Variants in AKAP19 observed in about 807,000 individuals in gnomAD.
AKAP19 encodes A-kinase anchoring protein 19.
At chr2:189,967,519 G>T in the AKAP19 span, among the ~76,000 whole-genome samples, 6 of 152,120 alleles carry the variant, frequency 3.9e-5, no homozygotes, top group Non-Finnish European at 7.4e-5. Context: ...CTGATGAAAA[G>T]ATTCTTCAAA....
the AKAP19 span, among the ~76,000 whole-genome samples, chr2:190,129,290 C>A: frequency 2.0e-5 from 3 of 151,936 alleles, no homozygotes; most frequent in Non-Finnish European, 4.4e-5. Flanking sequence ...TGGAAGATTT[C>A]AATTAAAAAA....
chr2:190,140,955 C>A, the AKAP19 span, among the ~76,000 whole-genome samples: 1 of 152,134 alleles, frequency 6.6e-6, no homozygotes, highest in East Asian at 1.9e-4. Flanking sequence ...AGGTACCCTA[C>A]GTCATCTCTC....
chr2:190,198,671 A>G, the AKAP19 span, among the ~76,000 whole-genome samples: 1 of 150,876 alleles, frequency 6.6e-6, no homozygotes. Context: ...TTTCAGAAAC[A>G]GATTTTATGA....
At chr2:190,019,051 G>C in the AKAP19 span, among the ~76,000 whole-genome samples, 2 of 152,148 alleles carry the variant, frequency 1.3e-5, no homozygotes, top group Non-Finnish European at 2.9e-5. Flanking sequence ...GTAAAATAGG[G>C]TTGCAGGCTA....
At chr2:189,948,991 G>C in the AKAP19 span, among the ~76,000 whole-genome samples, 1 of 151,748 alleles carries the variant, frequency 6.6e-6, no homozygotes, top group South Asian at 2.1e-4. Context: ...TTTGCTAAAC[G>C]CTTAAAGTAC....
chr2:189,990,322 C>T, the AKAP19 span, among the ~76,000 whole-genome samples: 1 of 152,096 alleles, frequency 6.6e-6, no homozygotes, highest in African/African-American at 2.4e-5. Context: ...ATCCTTTGCT[C>T]CTATTCTTTA....
the AKAP19 span, among the ~76,000 whole-genome samples, chr2:189,913,011 G>A: frequency 1.3e-5 from 2 of 152,032 alleles, no homozygotes; most frequent in Non-Finnish European, 2.9e-5. Flanking sequence ...AAGAGAAAAA[G>A]GATCTACTGG....
the AKAP19 span, among the ~76,000 whole-genome samples, chr2:189,950,188 C>T: frequency 8.6e-5 from 13 of 150,712 alleles, no homozygotes; most frequent in East Asian, 3.9e-4. Context: ...CCATGATGCC[C>T]GGCTAATTTT....
the AKAP19 span, among the ~76,000 whole-genome samples, chr2:190,199,267 T>C: frequency 4.6e-5 from 7 of 152,208 alleles, no homozygotes; most frequent in Non-Finnish European, 1.0e-4. Flanking sequence ...GGCCACATGG[T>C]CTGTCACAGT....
At chr2:189,996,854 G>A in the AKAP19 span, among the ~76,000 whole-genome samples, 1 of 152,118 alleles carries the variant, frequency 6.6e-6, no homozygotes, top group Non-Finnish European at 1.5e-5. Flanking sequence ...TGCACTGTTT[G>A]TTCTTGCTTT....
the AKAP19 span, chr2:189,923,415 T>G: frequency 6.2e-7 from 1 of 1,613,650 alleles, no homozygotes; most frequent in Admixed American, 1.7e-5. Context: ...AACACTCTTG[T>G]GGTCAAGAAA....
the AKAP19 span, among the ~76,000 whole-genome samples, chr2:189,984,030 A>G: frequency 2.6e-5 from 4 of 152,246 alleles, no homozygotes; most frequent in South Asian, 4.1e-4. Context: ...AGGGTAATAG[A>G]ATATCACAAG....
the AKAP19 span, among the ~76,000 whole-genome samples, chr2:190,119,526 G>T: frequency 6.6e-6 from 1 of 152,314 alleles, no homozygotes; most frequent in Non-Finnish European, 1.5e-5. Context: ...AGGCACATGT[G>T]GGGGCAAGGG....
At chr2:189,935,183 G>T in the AKAP19 span, among the ~76,000 whole-genome samples, 3 of 152,016 alleles carry the variant, frequency 2.0e-5, no homozygotes, top group African/African-American at 7.2e-5. Context: ...ATGAAATACA[G>T]AGCAAGTGTT....
At chr2:190,123,535 AC>A in the AKAP19 span, among the ~76,000 whole-genome samples, 1 of 152,220 alleles carries the variant, frequency 6.6e-6, no homozygotes, top group Non-Finnish European at 1.5e-5. Flanking sequence ...CAGGTCTTCC[AC>A]ATTTAATTTA....
chr2:190,043,162 T>C, the AKAP19 span, among the ~76,000 whole-genome samples: 1 of 152,168 alleles, frequency 6.6e-6, no homozygotes, highest in African/African-American at 2.4e-5. Context: ...ATCTGATGAT[T>C]ATGTGTCTTG....
At chr2:189,957,099 C>A in the AKAP19 span, among the ~76,000 whole-genome samples, 1 of 152,102 alleles carries the variant, frequency 6.6e-6, no homozygotes, top group African/African-American at 2.4e-5. Flanking sequence ...TGCTTAAACC[C>A]AGGAGGTAGA....
chr2:190,038,916 C>CTTTCT, the AKAP19 span, among the ~76,000 whole-genome samples: 14 of 133,804 alleles, frequency 1.0e-4, no homozygotes, highest in African/African-American at 3.4e-4. Context: ...TCTTCTTCTT[C>CTTTCT]TTCTTCTTCT....
the AKAP19 span, among the ~76,000 whole-genome samples, chr2:190,172,009 G>C: frequency 6.6e-5 from 10 of 152,274 alleles, no homozygotes; most frequent in African/African-American, 2.2e-4. Flanking sequence ...ACGGGTGTCT[G>C]TTCCTTATCT....
Sources: allele counts gnomAD v4.1 joint callset (sites outside exome capture counted in the v4.1 genomes callset), GRCh38; gene constraint gnomAD v4.1.1; transcripts MANE v1.5; gene names NCBI Gene and HGNC (gene_info 2026-07-23, HGNC 2026-07-21).